The following FHIT variants were observed in gnomAD, a reference collection of about 807,000 sequenced individuals.
The protein encoded by FHIT is fragile histidine triad diadenosine triphosphatase, also known as bis(5'-adenosyl)-triphosphatase.
In FHIT, 19 loss-of-function variants were observed where a neutral mutation model predicts 17.9. The ratio of observed to expected loss-of-function variants is 1.06; its 90% confidence interval spans 0.74 to 1.56. The LOEUF is 1.56. FHIT is among the 40% of genes most tolerant of loss of function. The pLI is 0.00. For missense variants in FHIT, 248 were observed against 189.2 expected, an observed-to-expected ratio of 1.31 and a Z score of -1.82; for synonymous variants, 81 against 69.7, an observed-to-expected ratio of 1.16 and a Z score of -0.81.
At chr3:61,082,341 T>C (rs1171334754) in intron 2 of FHIT, among the ~76,000 whole-genome samples, 1 of 152,232 alleles carries the variant, frequency 6.6e-6, no homozygotes, top group Non-Finnish European at 1.5e-5. Context: ...AATGGTAACA[T>C]TCAGCACATG....
intron 4 of FHIT, among the ~76,000 whole-genome samples, chr3:60,756,911 A>G (rs1699446275): frequency 6.6e-6 from 1 of 152,292 alleles, no homozygotes; most frequent in Non-Finnish European, 1.5e-5. Context: ...GCTGCATGTA[A>G]TTAGCTCTGC....
chr3:61,151,860 G>A (rs1027177247), intron 2 of FHIT, among the ~76,000 whole-genome samples: 1 of 152,012 alleles, frequency 6.6e-6, no homozygotes, highest in Admixed American at 6.6e-5. Context: ...TGGGATTATA[G>A]GCATAAACCA....
At chr3:60,277,061 C>T (rs768741258) in intron 5 of FHIT, among the ~76,000 whole-genome samples, 18 of 152,004 alleles carry the variant, frequency 1.2e-4, no homozygotes, top group Non-Finnish European at 1.6e-4. Context: ...CTTTCAGTTA[C>T]TTAAAAAAAA....
At chr3:59,785,949 C>T (rs971008599) in intron 8 of FHIT, among the ~76,000 whole-genome samples, 2 of 152,186 alleles carry the variant, frequency 1.3e-5, no homozygotes, top group Non-Finnish European at 2.9e-5. Flanking sequence ...CTTCAACACC[C>T]CGCTTAGAGG....
chr3:61,086,058 G>T (rs2035296163), intron 2 of FHIT, among the ~76,000 whole-genome samples: 1 of 152,026 alleles, frequency 6.6e-6, no homozygotes, highest in Admixed American at 6.6e-5. Flanking sequence ...GCAAATAAAA[G>T]AATTTTATTG....
At chr3:60,767,054 A>G (rs1575498644) in intron 4 of FHIT, among the ~76,000 whole-genome samples, 1 of 152,196 alleles carries the variant, frequency 6.6e-6, no homozygotes, top group Non-Finnish European at 1.5e-5. Context: ...CATTTAACTC[A>G]TCGCTGACCC....
At chr3:60,161,520 T>G (rs1700938949) in intron 5 of FHIT, among the ~76,000 whole-genome samples, 1 of 152,150 alleles carries the variant, frequency 6.6e-6, no homozygotes, top group South Asian at 2.1e-4. Flanking sequence ...AGAGTTGGTG[T>G]GACTTAGTCA....
intron 3 of FHIT, among the ~76,000 whole-genome samples, chr3:60,966,074 C>T (rs941645381): frequency 2.2e-4 from 33 of 152,154 alleles, no homozygotes; most frequent in Non-Finnish European, 4.3e-4. Context: ...CCTTGAGCTG[C>T]GGTGGGCTCC....
chr3:60,910,512 T>G (rs766725963), intron 3 of FHIT, among the ~76,000 whole-genome samples: 1 of 151,372 alleles, frequency 6.6e-6, no homozygotes, highest in African/African-American at 2.4e-5. Flanking sequence ...CCCAGGTTCA[T>G]GCCATTCTTC....
chr3:60,038,636 G>A (rs779879523), intron 5 of FHIT, among the ~76,000 whole-genome samples: 8 of 152,070 alleles, frequency 5.3e-5, no homozygotes, highest in African/African-American at 9.7e-5. Flanking sequence ...TATTCCTAAG[G>A]GAGAAATTTT....
chr3:60,079,269 G>T (rs1703169718), intron 5 of FHIT, among the ~76,000 whole-genome samples: 3 of 152,142 alleles, frequency 2.0e-5, no homozygotes, highest in Admixed American at 1.3e-4. Flanking sequence ...TTCTAGGTCA[G>T]GAGCAGAAAC....
At chr3:60,261,658 T>C (rs1038198373) in intron 5 of FHIT, among the ~76,000 whole-genome samples, 1 of 152,036 alleles carries the variant, frequency 6.6e-6, no homozygotes, top group Admixed American at 6.6e-5. Context: ...CTTGACTTTG[T>C]AAACGTGCCT....
At chr3:59,853,842 T>C (rs1029043473) in intron 8 of FHIT, among the ~76,000 whole-genome samples, 4 of 152,236 alleles carry the variant, frequency 2.6e-5, no homozygotes, top group East Asian at 3.9e-4. Flanking sequence ...ATTATACTTA[T>C]TGAGAGTCTA....
intron 5 of FHIT, among the ~76,000 whole-genome samples, chr3:60,520,543 C>T (rs1275136820): frequency 6.6e-6 from 1 of 152,078 alleles, no homozygotes; most frequent in East Asian, 1.9e-4. Context: ...TAGTCCAAAC[C>T]TTTCCAGCAT....
chr3:60,943,533 G>C (rs1212332153), intron 3 of FHIT, among the ~76,000 whole-genome samples: 1 of 152,110 alleles, frequency 6.6e-6, no homozygotes, highest in Admixed American at 6.6e-5. Context: ...AACAGTTAAA[G>C]AGAGTATAGC....
At chr3:60,670,183 T>G (rs189276272) in intron 4 of FHIT, among the ~76,000 whole-genome samples, 2 of 152,334 alleles carry the variant, frequency 1.3e-5, no homozygotes, top group East Asian at 3.9e-4. Context: ...CATTTATTTA[T>G]TGCTTTAATC....
In FHIT at chr3:60,040,699, C is replaced by T. The variant is rs139340758; in HGVS notation, c.104-26547G>A. Among the ~76,000 whole-genome samples the T allele has an allele frequency of 7.9e-5, 12 of 152,130 alleles. No individual in the cohort carries two copies. In the East Asian group the frequency reaches 1.9e-3, roughly 25 times the overall value. On this transcript the variant is annotated intron_variant, in intron 5 of 9. Transcript: ENST00000492590. ...AGATTTAGGACTAGGGGAGAGGAAG[C>T]GAACACAAAGAAAAGTTGGACCATG...
chr3:60,738,991 C>T (rs2042189589), intron 4 of FHIT, among the ~76,000 whole-genome samples: 1 of 152,114 alleles, frequency 6.6e-6, no homozygotes, highest in South Asian at 2.1e-4. Context: ...ACAAATGACA[C>T]AACAGAGAAA....
intron 5 of FHIT, among the ~76,000 whole-genome samples, chr3:60,459,390 G>A (rs2032318263): frequency 6.6e-6 from 1 of 152,236 alleles, no homozygotes; most frequent in African/African-American, 2.4e-5. Context: ...AACAAAGAGT[G>A]GGTTGGGAAA....
Sources: gnomAD v4.1 joint callset for allele counts (sites outside exome capture counted in the v4.1 genomes callset) on GRCh38, gnomAD v4.1.1 for gene constraint, MANE v1.5 for transcripts, NCBI Gene and HGNC (gene_info 2026-07-23, HGNC 2026-07-21) for gene names.